SPRYD7: variants seen among roughly 807,000 people sequenced by gnomAD.
The protein encoded by SPRYD7 is SPRY domain-containing protein 7.
SPRYD7 carries 14 observed loss-of-function variants against 23.8 expected under a neutral mutation model. The observed-to-expected ratio is 0.59, with a 90% CI of 0.39 to 0.92. The LOEUF is 0.92. SPRYD7 is among the 40% of genes least tolerant of loss of function. The pLI, the probability that SPRYD7 is intolerant of heterozygous loss-of-function variation, is 0.00. For missense variants in SPRYD7, 194 were observed against 241.7 expected, an observed-to-expected ratio of 0.80 and a Z score of 1.31; for synonymous variants, 75 against 84.9, an observed-to-expected ratio of 0.88 and a Z score of 0.64.
chr13:49,916,110 C>G (rs1373702593), intron 4 of SPRYD7, among the ~76,000 whole-genome samples: 1 of 152,054 alleles, frequency 6.6e-6, no homozygotes, highest in Non-Finnish European at 1.5e-5. Flanking sequence ...TGTTCATTAC[C>G]TTGACCCTGG....
chr13:49,929,671 A>C (rs1208308660), intron 2 of SPRYD7, among the ~76,000 whole-genome samples: 1 of 149,524 alleles, frequency 6.7e-6, no homozygotes, highest in Non-Finnish European at 1.5e-5. Context: ...AATTTTTTGT[A>C]CTTTTAGTAG....
intron 2 of SPRYD7, among the ~76,000 whole-genome samples, chr13:49,929,063 T>C (rs1194513591): frequency 6.6e-6 from 1 of 152,136 alleles, no homozygotes; most frequent in East Asian, 1.9e-4. Flanking sequence ...CTCAAACTCC[T>C]GGCCTTGAGC....
chr13:49,931,107 C>T lies in SPRYD7; in HGVS notation c.134G>A (p.Gly45Glu). 1 of 1,612,386 alleles carries T rather than the reference C, an allele frequency of 6.2e-7. No homozygotes were observed. Among genetic ancestry groups the T allele is most frequent in the Non-Finnish European group, 8.5e-7 (1 of 1,178,810 alleles). ...MGTDVVIVKNGRRICGTGGCL... is the reference protein window; with the variant it reads ...MGTDVVIVKNERRICGTGGCL... ...ACCTCCTGTTCCACATATTCTTCTT[C>T]CATTCTTTACAATAACAACATCTGT... The change falls in exon 2 of 5, where the codon GGA becomes GAA. Residue 45 changes from glycine (G) to glutamate (E), a missense_variant. Physicochemically the swap from Gly to Glu is moderately conservative, Grantham distance 98 (BLOSUM62 -2). Coordinates refer to ENST00000361840, the MANE Select transcript of SPRYD7 (RefSeq NM_020456.4).
rs115928639 is a variant in SPRYD7, at chr13:49,918,211, T to C, written c.494-3051A>G. ...TCAAGTAGCTGGGACTACAGGCACGTACAACCACACCTGGATAATTTTAAA... is the reference window on the plus strand; with the variant it reads ...TCAAGTAGCTGGGACTACAGGCACGCACAACCACACCTGGATAATTTTAAA... On this transcript the variant is annotated intron_variant, in intron 4 of 4. Transcript: ENST00000361840. Among the ~76,000 whole-genome samples the C allele has an allele frequency of 6.3e-3, 953 of 152,080 alleles. 6 individuals carry two copies. The highest frequency in any genetic ancestry group is 0.021 in the African/African-American group (876 of 41,492).
At chr13:49,934,192 CATTTT>C (rs1019845077) in intron 1 of SPRYD7, among the ~76,000 whole-genome samples, 14 of 152,174 alleles carry the variant, frequency 9.2e-5, no homozygotes, top group Non-Finnish European at 1.8e-4. Flanking sequence ...CCTTTTCTTT[CATTTT>C]ATTCAGGTTC....
rs1445182711 is a variant in SPRYD7, at chr13:49,917,651, T to C, written c.494-2491A>G. Among the ~76,000 whole-genome samples the C allele has an allele frequency of 3.3e-5, 5 of 152,248 alleles. 1 individual carries two copies. In the South Asian group the frequency reaches 8.3e-4, roughly 25 times the overall value. ...TATAATTTAGTATCTATAACCTTAGTACATTACAAATAATGCTGAATAAAA... is the reference window on the plus strand; with the variant it reads ...TATAATTTAGTATCTATAACCTTAGCACATTACAAATAATGCTGAATAAAA... On this transcript the variant is annotated intron_variant, in intron 4 of 4. Coordinates refer to ENST00000361840, the MANE Select transcript of SPRYD7 (RefSeq NM_020456.4).
At chr13:49,924,827 T>A (rs1955860684) in intron 3 of SPRYD7, among the ~76,000 whole-genome samples, 1 of 150,168 alleles carries the variant, frequency 6.7e-6, no homozygotes, top group Admixed American at 6.7e-5. Context: ...CACAAAAAAA[T>A]TAGCTGGGAA....
At chr13:49,916,852 A>C (rs1029968258) in intron 4 of SPRYD7, among the ~76,000 whole-genome samples, 3 of 152,150 alleles carry the variant, frequency 2.0e-5, no homozygotes, top group Middle Eastern at 3.2e-3. Context: ...CTACAGATAG[A>C]GTGTTTGCAA....
chr13:49,921,667 C>A, intron 3 of SPRYD7, 87 bp from the exon 4 acceptor site: 1 of 768,044 alleles, frequency 1.3e-6, no homozygotes, highest in South Asian at 1.6e-5. Context: ...AAAAGCTAAG[C>A]ATAGGCTGAC....
rs1332509440 is a variant in SPRYD7, at chr13:49,912,922, A to G, written c.*2141T>C. 2 of 152,206 alleles carry G rather than the reference A, an allele frequency of 1.3e-5. No homozygotes were observed. Among genetic ancestry groups the G allele is most frequent in the African/African-American group, 4.8e-5 (2 of 41,458 alleles). 9.4% of individuals were successfully genotyped at this position (152,206 alleles called of 1,614,324 possible). A position where few individuals can be genotyped will look rare whatever the true frequency, so the allele number is the denominator to read the frequency against. On this transcript the variant is annotated 3_prime_UTR_variant, in exon 5 of 5. Coordinates refer to ENST00000361840, the MANE Select transcript of SPRYD7 (RefSeq NM_020456.4). ...TCACATTTTTGTCTGCAGAATAAACAATAAAAAAGGATTTTGCAGGATTCT... is the reference window on the plus strand; with the variant it reads ...TCACATTTTTGTCTGCAGAATAAACGATAAAAAAGGATTTTGCAGGATTCT...
intron 4 of SPRYD7, among the ~76,000 whole-genome samples, chr13:49,921,005 T>C (rs1014296784): frequency 4.6e-5 from 7 of 152,098 alleles, no homozygotes; most frequent in Admixed American, 4.6e-4. Context: ...TTATTAACAA[T>C]GTGTCCAGAT....
At chr13:49,920,082 C>A (rs893202160) in intron 4 of SPRYD7, among the ~76,000 whole-genome samples, 2 of 151,794 alleles carry the variant, frequency 1.3e-5, no homozygotes, top group Non-Finnish European at 2.9e-5. Flanking sequence ...TAAGGTAGGC[C>A]GGATGCAGTG....
In SPRYD7 at chr13:49,927,945, T is replaced by C. The variant is rs1238471096; in HGVS notation, c.364A>G (p.Ser122Gly). Reference sequence around the variant, plus strand: ...ACCACATCTCCTTCCTGCGGAAGACTGTTTGCTGGCAGCCTATTTTTCTCT... The same window carrying C: ...ACCACATCTCCTTCCTGCGGAAGACCGTTTGCTGGCAGCCTATTTTTCTCT... The part of the protein sequence containing the change: ...NEEKNRLPAN[S>G]LPQEGDVVGI... Residue 122 changes from serine (S) to glycine (G), a missense_variant, in exon 3 of 5, where the codon AGT (serine) becomes GGT (glycine). Transcript: ENST00000361840. The C allele has an allele frequency of 1.9e-6, 3 of 1,614,128 alleles. No homozygotes were observed. The highest frequency in any genetic ancestry group is 2.7e-5 in the African/African-American group (2 of 74,954).
chr13:49,935,295 A>G (rs1265920763), intron 1 of SPRYD7, among the ~76,000 whole-genome samples: 1 of 152,252 alleles, frequency 6.6e-6, no homozygotes, highest in Non-Finnish European at 1.5e-5. Flanking sequence ...AATCCACAAA[A>G]AGACAGTACT....
At chr13:49,915,719 T>A (rs988263235) in intron 4 of SPRYD7, among the ~76,000 whole-genome samples, 6 of 152,184 alleles carry the variant, frequency 3.9e-5, no homozygotes, top group Admixed American at 2.6e-4. Context: ...GAAATGAATG[T>A]GTATATCCAA....
chr13:49,936,229 T>A lies in SPRYD7; in HGVS notation c.7A>T (p.Thr3Ser). Residue 3 changes from threonine to serine, a missense_variant, in exon 1 of 5, where the codon ACC becomes TCC. Physicochemically the swap from Thr to Ser is moderately conservative, Grantham distance 58. Coordinates refer to ENST00000361840, the MANE Select transcript of SPRYD7 (RefSeq NM_020456.4). MA[T>S]SVLCCLRCCR... ...CACCGCAGGCAGCACAACACCGAGG[T>A]GGCCATCGCGCAGGGACCACCGACT... The A allele has an allele frequency of 6.2e-7, 1 of 1,601,804 alleles. No individual in the cohort carries two copies. The highest frequency in any genetic ancestry group is 8.5e-7 in the Non-Finnish European group (1 of 1,176,544).
chr13:49,923,443 C>T (rs1417811896), intron 3 of SPRYD7, among the ~76,000 whole-genome samples: 1 of 152,068 alleles, frequency 6.6e-6, no homozygotes, highest in African/African-American at 2.4e-5. Context: ...GGGGTTTCAC[C>T]ATGTTGGCCA....
chr13:49,929,650 C>T (rs1176189254), intron 2 of SPRYD7, among the ~76,000 whole-genome samples: 1 of 150,664 alleles, frequency 6.6e-6, no homozygotes, highest in Non-Finnish European at 1.5e-5. Context: ...CGCCCACCAC[C>T]ACGCCTGACT....
chr13:49,923,180 G>A (rs1955838984), intron 3 of SPRYD7, among the ~76,000 whole-genome samples: 1 of 151,980 alleles, frequency 6.6e-6, no homozygotes, highest in South Asian at 2.1e-4. Flanking sequence ...TAGCAGTTCA[G>A]ATCAGTGAGG....
Sources: allele counts gnomAD v4.1 joint callset (sites outside exome capture counted in the v4.1 genomes callset), GRCh38; gene constraint gnomAD v4.1.1; transcripts MANE v1.5; gene names NCBI Gene and HGNC (gene_info 2026-07-23, HGNC 2026-07-21).